CIDEC: variants seen among roughly 807,000 people sequenced by gnomAD.
CIDEC encodes lipid transferase CIDEC.
In CIDEC, 11 loss-of-function variants were observed where a neutral mutation model predicts 21.9. The observed-to-expected ratio is 0.50, with a 90% confidence interval of 0.32 to 0.83. The LOEUF (loss-of-function observed/expected upper bound fraction) is 0.83, where lower values mean the gene tolerates loss of function less well. Ranked by LOEUF, CIDEC falls within the 40% of genes least tolerant of loss-of-function variation. The pLI is 0.04. For missense variants in CIDEC, 302 were observed against 302.3 expected (o/e 1.00, Z 0.01); for synonymous variants, 127 against 124.9 (o/e 1.02, Z -0.11).
intron 3 of CIDEC, 23 bp from the exon 4 acceptor site, chr3:9,877,242 G>T (rs939735200): frequency 1.4e-5 from 22 of 1,549,494 alleles, no homozygotes; most frequent in Non-Finnish European, 1.9e-5. Flanking sequence ...AAGCATCAGG[G>T]TGAGCCACCC....
chr3:9,874,209 A>G (rs2082388594), intron 4 of CIDEC, among the ~76,000 whole-genome samples: 1 of 149,406 alleles, frequency 6.7e-6, no homozygotes, highest in African/African-American at 2.5e-5. Flanking sequence ...GTCCCTTTTG[A>G]AACAAATAAA....
chr3:9,877,304 C>T, intron 3 of CIDEC, 85 bp from the exon 4 acceptor site: 1 of 1,302,158 alleles, frequency 7.7e-7, no homozygotes, highest in Non-Finnish European at 1.1e-6. Flanking sequence ...CCCACCCCTC[C>T]TGACTGGGCT....
rs1132699 is a variant in CIDEC, at chr3:9,869,893, C to T, written c.543G>A (p.Lys181=). The change falls in exon 6 of 7, where the codon AAG becomes AAA. Residue 181 remains lysine (K), a synonymous_variant. Transcript: ENST00000336832. ...LSYDLHCCGA[K]RIMKEAFRWA... The stretch of plus-strand genomic sequence containing the variant: ...CCCAATTTGCTCACTTCATGATGCG[C>T]TTGGCCCCACAGCAGTGCAGATCAT... 1.7e-5 allele frequency: 27 copies of T among 1,612,730 alleles called. No individual in the cohort carries two copies. Among genetic ancestry groups the T allele is most frequent in the African/African-American group, 1.3e-5 (1 of 74,890 alleles).
At chr3:9,879,684 T>C (rs2082478357) in intron 1 of CIDEC, among the ~76,000 whole-genome samples, 2 of 152,150 alleles carry the variant, frequency 1.3e-5, no homozygotes, top group South Asian at 4.1e-4. Flanking sequence ...GTAGTGCCCT[T>C]CTCTGATCCA....
Position 9,867,204 on chromosome 3 carries a change from G to C in CIDEC, c.647C>G (p.Thr216Arg). The C allele has an allele frequency of 1.2e-6, 2 of 1,614,028 alleles. No individual in the cohort carries two copies. Among genetic ancestry groups the C allele is most frequent in the South Asian group, 1.1e-5 (1 of 91,078 alleles). Residue 216 changes from threonine to arginine, a missense_variant, in exon 7 of 7, where the codon ACG becomes AGG. Physicochemically the swap from Thr to Arg is moderately conservative, Grantham distance 71. Transcript: ENST00000336832. ...GCCCTTGGGGGGCTGCCCTTCCTCC[G>C]TAGCATCGAGGAGCTGCTGCAGGTA... is the stretch of plus-strand genomic sequence containing the variant. ...SCYLQQLLDA[T>R]EEGQPPKGKA...
chr3:9,867,093 G>T lies in CIDEC; in HGVS notation c.*41C>A. 1 of 1,608,322 alleles carries T rather than the reference G, an allele frequency of 6.2e-7. No homozygotes were observed. The highest frequency in any genetic ancestry group is 8.5e-7 in the Non-Finnish European group (1 of 1,176,448). On this transcript the variant is annotated 3_prime_UTR_variant, in exon 7 of 7. Transcript: ENST00000336832. ...CTACCAGTTAAGCGTGAGGCCCCCA[G>T]TCAGTCCTTCACTGGGGAAAGCTTC... is the stretch of plus-strand genomic sequence containing the variant.
chr3:9,869,909 T>C lies in CIDEC; in HGVS notation c.527A>G (p.His176Arg), dbSNP rs751935489. Residue 176 changes from histidine (H) to arginine (R), a missense_variant, in exon 6 of 7, where the codon CAC becomes CGC. Physicochemically the swap from His to Arg is conservative, Grantham distance 29 (BLOSUM62 0). Transcript: ENST00000336832. ...CATGATGCGCTTGGCCCCACAGCAG[T>C]GCAGATCATAGGAAAGGGAGTATGT... ...YDTYSLSYDL[H>R]CCGAKRIMKE... 36 of 1,613,322 alleles carry C rather than the reference T, an allele frequency of 2.2e-5. No homozygotes were observed. In the East Asian group the frequency reaches 8.0e-4, roughly 36 times the overall value.
chr3:9,877,654 C>T (rs371907762), intron 3 of CIDEC, among the ~76,000 whole-genome samples: 5 of 151,570 alleles, frequency 3.3e-5, no homozygotes, highest in Non-Finnish European at 7.4e-5. Context: ...AGGGAGACCT[C>T]GACTTAAAAA....
In CIDEC at chr3:9,870,465, G is replaced by T. The variant is rs140125102; in HGVS notation, c.208-143C>A. 10,877 of 1,543,438 alleles carry T rather than the reference G, an allele frequency of 7.0e-3. 50 individuals are homozygous for T. Among genetic ancestry groups the T allele is most frequent in the Middle Eastern group, 0.02 (117 of 5,756 alleles). On this transcript the variant is annotated intron_variant, in intron 4 of 6. Coordinates refer to ENST00000336832, the MANE Select transcript of CIDEC (RefSeq NM_001321142.2). ...GGTACCTCTTGGCTCCTGGCTTCAG[G>T]GTTCCTAGTCTAGAATAATATTGTC...
At chr3:9,880,198 A>G (rs2082486016) in intron 1 of CIDEC, 26 bp downstream of exon 1, 1 of 151,828 alleles carries the variant, frequency 6.6e-6, no homozygotes, top group South Asian at 2.1e-4. Flanking sequence ...AAATCCCCAA[A>G]CCCAAAACAA....
At chr3:9,869,299 G>T (rs2082313294) in intron 6 of CIDEC, among the ~76,000 whole-genome samples, 1 of 151,620 alleles carries the variant, frequency 6.6e-6, no homozygotes, top group Non-Finnish European at 1.5e-5. Context: ...TGCCCAGGCT[G>T]GAGTGCAGTG....
intron 3 of CIDEC, 151 bp downstream of exon 3, chr3:9,878,283 G>C (rs1399464951): frequency 1.4e-6 from 1 of 706,766 alleles, no homozygotes; most frequent in Non-Finnish European, 2.6e-6. Flanking sequence ...TCTTGGCAGT[G>C]CAAAATCTCG....
At chr3:9,875,326 G>A (rs1298074586) in intron 4 of CIDEC, among the ~76,000 whole-genome samples, 3 of 144,342 alleles carry the variant, frequency 2.1e-5, no homozygotes, top group Admixed American at 7.3e-5. Context: ...GCAGTGAGCC[G>A]AGATAGCACC....
intron 2 of CIDEC, 145 bp downstream of exon 2, chr3:9,878,797 T>C: frequency 6.5e-7 from 1 of 1,536,196 alleles, no homozygotes; most frequent in Non-Finnish European, 8.7e-7. Flanking sequence ...TCTCATCCCC[T>C]GGCTCTGGTC....
chr3:9,877,389 G>A (rs1383004731), intron 3 of CIDEC, among the ~76,000 whole-genome samples, 170 bp from the exon 4 acceptor site: 1 of 152,174 alleles, frequency 6.6e-6, no homozygotes, highest in Non-Finnish European at 1.5e-5. Flanking sequence ...AGCCAGGCAC[G>A]GTGGCTCATG....
chr3:9,870,406 C>T (rs1275348472), intron 4 of CIDEC, 84 bp from the exon 5 acceptor site: 2 of 1,593,388 alleles, frequency 1.3e-6, no homozygotes, highest in Non-Finnish European at 1.7e-6. Context: ...CCCAGGCCCT[C>T]TGCTGTGGAA....
chr3:9,875,385 A>AG (rs1443812463), intron 4 of CIDEC, among the ~76,000 whole-genome samples: 1 of 151,768 alleles, frequency 6.6e-6, no homozygotes, highest in Non-Finnish European at 1.5e-5. Flanking sequence ...TCAAAAAAAA[A>AG]AAAAAAAAGA....
chr3:9,867,038 G>A lies in CIDEC; in HGVS notation c.*96C>T, dbSNP rs558785951. The stretch of plus-strand genomic sequence containing the variant: ...CGGTGAGGGAGGTGTGGGGAGGTTC[G>A]CGGCTCTACAGCTGCCAGGCTTGTG... On this transcript the variant is annotated 3_prime_UTR_variant, in exon 7 of 7. Transcript: ENST00000336832. 3.5e-5 allele frequency: 48 copies of A among 1,383,702 alleles called. No individual in the cohort carries two copies. Among genetic ancestry groups the A allele is most frequent in the South Asian group, 1.2e-4 (10 of 86,556 alleles). 85.7% of individuals were successfully genotyped at this position (1,383,702 alleles called of 1,614,324 possible). A position where few individuals can be genotyped will look rare whatever the true frequency, so the allele number is the denominator to read the frequency against.
intron 6 of CIDEC, among the ~76,000 whole-genome samples, chr3:9,868,973 T>TTGTG (rs774815003): frequency 6.6e-6 from 1 of 150,858 alleles, no homozygotes; most frequent in African/African-American, 2.4e-5. Flanking sequence ...TGCCAGCATT[T>TTGTG]TGTGTGTGTG....
Sources: gnomAD v4.1 joint callset for allele counts (sites outside exome capture counted in the v4.1 genomes callset) on GRCh38, gnomAD v4.1.1 for gene constraint, MANE v1.5 for transcripts, NCBI Gene and HGNC (gene_info 2026-07-23, HGNC 2026-07-21) for gene names.